GLCE: variants seen among roughly 807,000 people sequenced by gnomAD.
GLCE encodes glucuronic acid epimerase, also known as D-glucuronyl C5-epimerase.
A neutral mutation model predicts 47.9 loss-of-function variants in GLCE; 19 were observed. That is an observed-to-expected ratio of 0.40 (90% CI 0.28 to 0.58). GLCE has a LOEUF of 0.58. Ranked by LOEUF, GLCE falls within the 20% of genes least tolerant of loss-of-function variation. The pLI is 0.48. For missense variants in GLCE, 556 were observed against 743.3 expected (o/e 0.75, Z 2.93); for synonymous variants, 245 against 263.4 (o/e 0.93, Z 0.68).
At chr15:69,198,308 T>A (rs1472854250) in intron 1 of GLCE, among the ~76,000 whole-genome samples, 1 of 152,198 alleles carries the variant, frequency 6.6e-6, no homozygotes, top group Non-Finnish European at 1.5e-5. Flanking sequence ...CTATATTAGT[T>A]ACCCATTGTT....
intron 2 of GLCE, among the ~76,000 whole-genome samples, chr15:69,217,496 AG>A (rs1440953488): frequency 6.6e-6 from 1 of 152,056 alleles, no homozygotes; most frequent in Non-Finnish European, 1.5e-5. Flanking sequence ...TTGTTCTGTA[AG>A]GCCTTGATAG....
At chr15:69,209,665 T>C (rs2052201718) in intron 1 of GLCE, among the ~76,000 whole-genome samples, 1 of 152,096 alleles carries the variant, frequency 6.6e-6, no homozygotes, top group Non-Finnish European at 1.5e-5. Flanking sequence ...GGTGTTGCTC[T>C]CCCATGTTCC....
chr15:69,191,403 T>C (rs763038275), intron 1 of GLCE, among the ~76,000 whole-genome samples: 1 of 152,168 alleles, frequency 6.6e-6, no homozygotes, highest in Non-Finnish European at 1.5e-5. Flanking sequence ...TTATGACTTA[T>C]CACAGCAGAA....
chr15:69,256,713 G>T (rs1056748672), intron 3 of GLCE, among the ~76,000 whole-genome samples: 5 of 152,194 alleles, frequency 3.3e-5, no homozygotes, highest in African/African-American at 4.8e-5. Context: ...TCCTGTGAGA[G>T]ATGGGAAAGG....
chr15:69,199,818 G>A (rs868106248), intron 1 of GLCE, among the ~76,000 whole-genome samples: 3 of 152,218 alleles, frequency 2.0e-5, no homozygotes, highest in Middle Eastern at 6.8e-3. Flanking sequence ...TTAGAACTTG[G>A]TCATTGGAAG....
At position 69,160,923 on chromosome 15, in the gene GLCE, G is replaced by T. The variant is rs1035297866; in HGVS notation, c.-105+166G>T. Among the ~76,000 whole-genome samples the T allele has an allele frequency of 8.5e-5, 13 of 152,114 alleles. No individual in the cohort carries two copies. The highest frequency in any genetic ancestry group is 4.4e-5 in the Non-Finnish European group (3 of 67,992). ...TTGGGAGTCCGGGGGGCGAGGAGGCGGTGCAGTGGGATCCGGGCGCGGGCG... is the reference window on the plus strand; with the variant it reads ...TTGGGAGTCCGGGGGGCGAGGAGGCTGTGCAGTGGGATCCGGGCGCGGGCG... On this transcript the variant is annotated intron_variant, in intron 1 of 4. Transcript: ENST00000261858. This position sits in a 1 kb window ranked among gnomAD's most constrained non-coding sequence, Gnocchi z 4.2.
At chr15:69,198,275 T>G (rs2052026575) in intron 1 of GLCE, among the ~76,000 whole-genome samples, 1 of 152,220 alleles carries the variant, frequency 6.6e-6, no homozygotes, top group Non-Finnish European at 1.5e-5. Context: ...TTGACTGTAG[T>G]GTTTTTATTC....
chr15:69,226,651 G>C (rs752350537), intron 2 of GLCE, among the ~76,000 whole-genome samples: 11 of 145,356 alleles, frequency 7.6e-5, no homozygotes, highest in Non-Finnish European at 1.6e-4. Flanking sequence ...AGAATTTCAT[G>C]TTCATGCACA....
chr15:69,263,771 A>C (rs2053046200), intron 4 of GLCE, among the ~76,000 whole-genome samples: 1 of 151,890 alleles, frequency 6.6e-6, no homozygotes, highest in Non-Finnish European at 1.5e-5. Flanking sequence ...TAAGATTTTG[A>C]GTAGGGCCTC....
intron 1 of GLCE, among the ~76,000 whole-genome samples, chr15:69,195,553 A>T (rs577927172): frequency 1.3e-5 from 2 of 152,080 alleles, no homozygotes; most frequent in Non-Finnish European, 1.5e-5. Context: ...TTGTATGTGG[A>T]TTGTCTACTT....
chr15:69,209,965 G>C (rs1161003139), intron 1 of GLCE, among the ~76,000 whole-genome samples: 2 of 151,990 alleles, frequency 1.3e-5, no homozygotes, highest in African/African-American at 4.8e-5. Flanking sequence ...AGAGTGAAGA[G>C]AGAAAAAAAC....
At chr15:69,230,134 G>C (rs904859819) in intron 2 of GLCE, among the ~76,000 whole-genome samples, 1 of 150,900 alleles carries the variant, frequency 6.6e-6, no homozygotes, top group Non-Finnish European at 1.5e-5. Context: ...CTTGAACCCA[G>C]AAGGCAGAGG....
At chr15:69,194,549 T>G (rs767969932) in intron 1 of GLCE, 3 of 152,154 alleles carry the variant, frequency 2.0e-5, no homozygotes, top group Admixed American at 6.6e-5. Flanking sequence ...ATTCTTATTA[T>G]TTTTAGTCCA....
intron 3 of GLCE, among the ~76,000 whole-genome samples, chr15:69,259,615 C>T (rs530624774): frequency 1.3e-5 from 2 of 152,148 alleles, no homozygotes; most frequent in South Asian, 2.1e-4. Flanking sequence ...ATGGAATATT[C>T]GTCATTATAC....
intron 1 of GLCE, among the ~76,000 whole-genome samples, chr15:69,178,433 C>G (rs1017498903): frequency 6.6e-6 from 1 of 152,222 alleles, no homozygotes; most frequent in South Asian, 2.1e-4. Context: ...CCCTAACCTT[C>G]CTGTGTTTCA....
At chr15:69,208,774 C>T (rs768314802) in intron 1 of GLCE, among the ~76,000 whole-genome samples, 28 of 152,166 alleles carry the variant, frequency 1.8e-4, no homozygotes, top group Middle Eastern at 3.4e-3. Flanking sequence ...TTTCTACTTA[C>T]TCAGATTTTC....
At chr15:69,211,648 A>G (rs1188304756) in intron 2 of GLCE, among the ~76,000 whole-genome samples, 1 of 152,004 alleles carries the variant, frequency 6.6e-6, no homozygotes, top group Non-Finnish European at 1.5e-5. Context: ...GAAAAAAAAA[A>G]GTATATTTTA....
At chr15:69,184,282 T>C (rs973360600) in intron 1 of GLCE, among the ~76,000 whole-genome samples, 26 of 152,198 alleles carry the variant, frequency 1.7e-4, no homozygotes, top group Middle Eastern at 3.2e-3. Flanking sequence ...GCTCTGGGCA[T>C]GCAATGCGGA....
chr15:69,246,542 C>A (rs892212620), intron 2 of GLCE, among the ~76,000 whole-genome samples: 1 of 151,886 alleles, frequency 6.6e-6, no homozygotes, highest in Non-Finnish European at 1.5e-5. Context: ...ATAGTGAAAC[C>A]CTGTCTCTAC....
Sources: allele counts gnomAD v4.1 joint callset (sites outside exome capture counted in the v4.1 genomes callset), GRCh38; gene constraint gnomAD v4.1.1; non-coding constraint Gnocchi (gnomAD v3.1); transcripts MANE v1.5; gene names NCBI Gene and HGNC (gene_info 2026-07-23, HGNC 2026-07-21).